The following HERC1 variants were observed in gnomAD, a reference collection of about 807,000 sequenced individuals.
HERC1 encodes probable E3 ubiquitin-protein ligase HERC1.
In HERC1, 160 loss-of-function variants were observed where a neutral mutation model predicts 554.3. That is an observed-to-expected ratio of 0.29 (90% CI 0.25 to 0.33). The LOEUF is 0.33. Among genes scored for constraint, HERC1 ranks in the 10% least tolerant of loss-of-function variants. HERC1 has a pLI of 1.00. For missense variants in HERC1, 4,919 were observed against 5,918.5 expected (o/e 0.83, Z 5.54); for synonymous variants, 2,175 against 2,131.7 (o/e 1.02, Z -0.56).
chr15:63,723,136 T>C (rs569027415), intron 19 of HERC1, 46 bp downstream of exon 19: 1 of 1,247,272 alleles, frequency 8.0e-7, no homozygotes, highest in Admixed American at 3.5e-5. Flanking sequence ...TTTGCGAGCA[T>C]TATGAGCTAA....
chr15:63,751,447 T>A (rs899562130), intron 8 of HERC1, among the ~76,000 whole-genome samples: 1 of 152,160 alleles, frequency 6.6e-6, no homozygotes, highest in Non-Finnish European at 1.5e-5. Context: ...TCAGAACATA[T>A]CCCATTAAGT....
intron 25 of HERC1, among the ~76,000 whole-genome samples, chr15:63,699,559 T>C (rs1169629737): frequency 1.3e-5 from 2 of 152,226 alleles, no homozygotes; most frequent in African/African-American, 4.8e-5. Context: ...GTTTCATTAA[T>C]ATAAGGAACA....
At chr15:63,816,030 C>T (rs143908646) in intron 1 of HERC1, among the ~76,000 whole-genome samples, 7 of 152,220 alleles carry the variant, frequency 4.6e-5, no homozygotes, top group East Asian at 1.9e-4. Context: ...TCCCTCCCCC[C>T]ACACGTAGGG....
chr15:63,666,420 A>C lies in HERC1; in HGVS notation c.8259T>G (p.Ile2753Met), dbSNP rs2070641628. ...RLSTSPPPPA[I>M]AVPLLEMGFS... The stretch of plus-strand genomic sequence containing the variant: ...ACCCCATTTCCAGCAAGGGAACTGC[A>C]ATTGCTGGAGGAGGAGGAGAAGTTG... The change falls in exon 41 of 78, where the codon ATT becomes ATG. Residue 2753 changes from isoleucine (I) to methionine (M), a missense_variant. Physicochemically the swap from Ile to Met is conservative, Grantham distance 10. Transcript: ENST00000443617. The C allele has an allele frequency of 1.2e-6, 2 of 1,613,620 alleles. No homozygotes were observed. The highest frequency in any genetic ancestry group is 2.7e-5 in the African/African-American group (2 of 74,898).
Position 63,756,373 on chromosome 15 carries a change from C to T in HERC1, c.1533+64G>A, listed in dbSNP as rs1019299391. Reference sequence around the variant, plus strand: ...CAGAAAGAACACATCAAAATCTGAACGACATTGTCAATTACAACTCCAATG... The same window carrying T: ...CAGAAAGAACACATCAAAATCTGAATGACATTGTCAATTACAACTCCAATG... On this transcript the variant is annotated intron_variant, in intron 5 of 77. Coordinates refer to ENST00000443617, the MANE Select transcript of HERC1 (RefSeq NM_003922.4). The surrounding 1 kb of genome is among the most constrained non-coding windows in gnomAD (Gnocchi z 5.0). 7.8e-5 allele frequency: 105 copies of T among 1,351,122 alleles called. No individual in the cohort carries two copies. The highest frequency in any genetic ancestry group is 9.3e-5 in the Non-Finnish European group (91 of 974,350). 83.7% of individuals were successfully genotyped at this position (1,351,122 alleles called of 1,614,324 possible).
chr15:63,743,418 C>T (rs1350680053), intron 12 of HERC1, among the ~76,000 whole-genome samples: 1 of 151,890 alleles, frequency 6.6e-6, no homozygotes, highest in African/African-American at 2.4e-5. Flanking sequence ...TGTGCCACCA[C>T]ATCCAGCTAA....
chr15:63,816,141 A>T (rs552385394), intron 1 of HERC1, among the ~76,000 whole-genome samples: 1 of 152,286 alleles, frequency 6.6e-6, no homozygotes, highest in South Asian at 2.1e-4. Flanking sequence ...CTAGTTCCTC[A>T]AGATGTTATA....
intron 22 of HERC1, among the ~76,000 whole-genome samples, chr15:63,715,898 T>C (rs1408129312): frequency 1.3e-5 from 2 of 152,160 alleles, no homozygotes; most frequent in Admixed American, 1.3e-4. Flanking sequence ...GTTCCACACG[T>C]GGAAAACATT....
Position 63,612,459 on chromosome 15 carries a change from G to A in HERC1, c.14192C>T (p.Pro4731Leu). Residue 4731 changes from proline (P) to leucine (L), a missense_variant, in exon 77 of 78, where the codon CCC becomes CTC. Transcript: ENST00000443617. This position sits in a 1 kb window ranked among gnomAD's most constrained non-coding sequence, Gnocchi z 5.0. ...CTTCAAGACTTCCACAGAGATCTCG[G>A]GCATCCCACACACCATCTGCTCCAG... ...KQLEQMVCGM[P>L]EISVEVLKKV... is the part of the protein sequence containing the mutation. 1 of 1,613,968 alleles carries A rather than the reference G, an allele frequency of 6.2e-7. No individual in the cohort carries two copies. The highest frequency in any genetic ancestry group is 8.5e-7 in the Non-Finnish European group (1 of 1,179,888).
chr15:63,694,298 T>A lies in HERC1; in HGVS notation c.5480+14A>T, dbSNP rs778260934. 1 of 1,606,112 alleles carries A rather than the reference T, an allele frequency of 6.2e-7. No individual in the cohort carries two copies. The highest frequency in any genetic ancestry group is 8.5e-7 in the Non-Finnish European group (1 of 1,175,646). On this transcript the variant is annotated intron_variant, in intron 29 of 77. Transcript: ENST00000443617. The surrounding 1 kb of genome is among the most constrained non-coding windows in gnomAD (Gnocchi z 4.3). Reference sequence around the variant, plus strand: ...GACTTCATACAGTTCTACAAAGACATCTACCATACTTACCCAGTAGTGATG... The same window carrying A: ...GACTTCATACAGTTCTACAAAGACAACTACCATACTTACCCAGTAGTGATG...
chr15:63,647,992 C>T, intron 55 of HERC1, 77 bp downstream of exon 55: 2 of 1,154,744 alleles, frequency 1.7e-6, no homozygotes, highest in Non-Finnish European at 2.5e-6. Context: ...TCTCTGACTT[C>T]TCCACTGTGT....
At chr15:63,826,799 AAAAAAAAAAAAAAAAAT>A (rs1349823780) in intron 1 of HERC1, among the ~76,000 whole-genome samples, 21 of 79,566 alleles carry the variant, frequency 2.6e-4, no homozygotes, top group African/African-American at 8.2e-4. Flanking sequence ...AAAAAAAAAA[AAAAAAAAAAAAAAAAAT>A]ATATATATAT....
At chr15:63,688,036 G>A (rs886215850) in intron 33 of HERC1, among the ~76,000 whole-genome samples, 1 of 152,224 alleles carries the variant, frequency 6.6e-6, no homozygotes, top group Non-Finnish European at 1.5e-5. Context: ...GGATGAACAT[G>A]CTCTGATTTA....
chr15:63,656,209 C>T lies in HERC1; in HGVS notation c.9749G>A (p.Arg3250Gln), dbSNP rs377471691. 29 of 1,613,106 alleles carry T rather than the reference C, an allele frequency of 1.8e-5. No individual in the cohort carries two copies. Among genetic ancestry groups the T allele is most frequent in the Non-Finnish European group, 2.1e-5 (25 of 1,179,518 alleles). The change falls in exon 49 of 78, where the codon CGA becomes CAA. Residue 3250 changes from arginine (R) to glutamine (Q), a missense_variant. By Grantham distance (43) the Arg-to-Gln change is conservative. This residue lies in a region of HERC1 where 1,963 missense variants were observed against 2,228.6 expected (regional missense o/e 0.88). Transcript: ENST00000443617. ...SAMASTSERS[R>Q]GGHSKANKPI... ...CTTGTTAGCCTTGCTATGCCCACCTCGTGATCGTTCTGAGGTGCTAGCCAT... is the reference window on the plus strand; with the variant it reads ...CTTGTTAGCCTTGCTATGCCCACCTTGTGATCGTTCTGAGGTGCTAGCCAT...
At chr15:63,611,896 C>A (rs571887592) in intron 77 of HERC1, among the ~76,000 whole-genome samples, 4 of 152,292 alleles carry the variant, frequency 2.6e-5, no homozygotes, top group Non-Finnish European at 5.9e-5. Context: ...AGCAACAAGG[C>A]GCAGAGGGCC....
At chr15:63,744,164 G>GTCTCTCTCTCTCTCTCTCTCTC (rs71464534) in intron 12 of HERC1, among the ~76,000 whole-genome samples, 9 of 46,290 alleles carry the variant, frequency 1.9e-4, no homozygotes, top group Non-Finnish European at 1.6e-4. Flanking sequence ...GTGTGTGTGT[G>GTCTCTCTCTCTCTCTCTCTCTC]TCTCTCTCTC....
rs749182762 is a variant in HERC1 at position 63,624,151 on chromosome 15, T to C, written c.13445+7A>G. On this transcript the variant is annotated splice_region_variant and intron_variant, in intron 72 of 77. Transcript: ENST00000443617. ...CTCATTAGTCAAACACACATACATA[T>C]GCTAACCTGGTTGATATCCTCTTTA... The C allele has an allele frequency of 8.1e-6, 13 of 1,604,466 alleles. No homozygotes were observed. The highest frequency in any genetic ancestry group is 5.6e-5 in the South Asian group (5 of 89,730).
At chr15:63,824,265 T>G (rs533081098) in intron 1 of HERC1, among the ~76,000 whole-genome samples, 2 of 152,130 alleles carry the variant, frequency 1.3e-5, no homozygotes, top group East Asian at 1.9e-4. Flanking sequence ...TGGGCGCAGT[T>G]GCTCACGCCT....
intron 34 of HERC1, among the ~76,000 whole-genome samples, chr15:63,681,078 T>C (rs1476979403): frequency 6.6e-6 from 1 of 152,242 alleles, no homozygotes; most frequent in Non-Finnish European, 1.5e-5. Flanking sequence ...CAGAAATTAA[T>C]GAAAACTTTA....
Sources: allele counts gnomAD v4.1 joint callset (sites outside exome capture counted in the v4.1 genomes callset), GRCh38; gene constraint gnomAD v4.1.1; regional missense constraint gnomAD v4.1.1; non-coding constraint Gnocchi (gnomAD v3.1); transcripts MANE v1.5; gene names NCBI Gene and HGNC (gene_info 2026-07-23, HGNC 2026-07-21).